Variants in NEK11 observed in about 807,000 individuals in gnomAD.
NEK11 encodes NIMA related kinase 11.
In NEK11, 72 loss-of-function variants were observed where a neutral mutation model predicts 80.7. That is an observed-to-expected ratio of 0.89 (90% CI 0.74 to 1.08). The LOEUF (loss-of-function observed/expected upper bound fraction) is 1.08, where lower values mean the gene tolerates loss of function less well. Among genes scored for constraint, NEK11 ranks in the 50% least tolerant of loss-of-function variants. NEK11 has a pLI of 0.00. For missense variants in NEK11, 764 were observed against 763.6 expected, an observed-to-expected ratio of 1.00 and a Z score of -0.01; for synonymous variants, 251 against 260.7, an observed-to-expected ratio of 0.96 and a Z score of 0.36.
intron 5 of NEK11, among the ~76,000 whole-genome samples, chr3:131,123,977 T>G (rs2082840195): frequency 6.6e-6 from 1 of 152,214 alleles, no homozygotes; most frequent in African/African-American, 2.4e-5. Flanking sequence ...CAGTATTCTC[T>G]GGGGTTCTAG....
At chr3:131,344,125 C>T (rs1465951462) in intron 17 of NEK11, among the ~76,000 whole-genome samples, 2 of 152,172 alleles carry the variant, frequency 1.3e-5, no homozygotes, top group African/African-American at 2.4e-5. Context: ...CATTTCTTTG[C>T]TCCAATATCT....
chr3:131,282,556 G>A (rs368800614), intron 17 of NEK11, among the ~76,000 whole-genome samples: 1 of 152,146 alleles, frequency 6.6e-6, no homozygotes, highest in Non-Finnish European at 1.5e-5. Flanking sequence ...GTATAGTGCT[G>A]CCGTGAGGGC....
chr3:131,239,814 TTTCA>T (rs139825448), intron 15 of NEK11, among the ~76,000 whole-genome samples: 81 of 151,960 alleles, frequency 5.3e-4, no homozygotes, highest in South Asian at 1.7e-3. Context: ...GCTAGGTAGC[TTTCA>T]TTCATTCATT....
Position 131,170,850 on chromosome 3 carries a change from A to G in NEK11, c.1362A>G (p.Ser454=), listed in dbSNP as rs2092639887. 6.2e-7 allele frequency: 1 copy of G among 1,613,810 alleles called. No homozygotes were observed. The highest frequency in any genetic ancestry group is 1.3e-5 in the African/African-American group (1 of 74,888). The change falls in exon 14 of 18, where the codon TCA becomes TCG. Residue 454 remains serine, a synonymous_variant. Transcript: ENST00000383366. ...CCATGGACCTCCACGAACTTGAATC[A>G]ATTGTAGAGGATGCCACATCTGACC... The part of the protein sequence containing the change: ...IPSMDLHELE[S]IVEDATSDLG...
chr3:131,222,526 A>G (rs1372677441), intron 14 of NEK11, among the ~76,000 whole-genome samples: 2 of 152,224 alleles, frequency 1.3e-5, no homozygotes, highest in Non-Finnish European at 2.9e-5. Flanking sequence ...GGAGATTTTA[A>G]GTAATTTAGA....
At chr3:131,297,974 A>G (rs1041830491) in intron 17 of NEK11, among the ~76,000 whole-genome samples, 2 of 151,588 alleles carry the variant, frequency 1.3e-5, no homozygotes, top group Admixed American at 1.3e-4. Flanking sequence ...AGATAGTTGT[A>G]GATATGCGGC....
intron 17 of NEK11, among the ~76,000 whole-genome samples, chr3:131,323,336 G>A (rs1445740463): frequency 2.0e-5 from 3 of 152,176 alleles, no homozygotes; most frequent in South Asian, 2.1e-4. Context: ...TCAAGAGCAG[G>A]TGTCAGCCTC....
chr3:131,162,050 ACT>A (rs1275057948), intron 10 of NEK11, among the ~76,000 whole-genome samples: 1 of 152,102 alleles, frequency 6.6e-6, no homozygotes, highest in African/African-American at 2.4e-5. Context: ...ACCCTGCCTA[ACT>A]CTAAAGATTA....
intron 3 of NEK11, among the ~76,000 whole-genome samples, chr3:131,036,350 A>G (rs908235300): frequency 1.3e-5 from 2 of 152,244 alleles, no homozygotes; most frequent in Admixed American, 1.3e-4. Flanking sequence ...GTGGAATCAC[A>G]ATATTTAGAA....
intron 14 of NEK11, among the ~76,000 whole-genome samples, chr3:131,191,031 ATTATTC>A (rs1012456677): frequency 3.3e-5 from 5 of 152,154 alleles, no homozygotes; most frequent in African/African-American, 1.2e-4. Context: ...TGTTATAATT[ATTATTC>A]TTATCCTTAC....
chr3:131,138,869 A>G (rs904592715), intron 7 of NEK11, among the ~76,000 whole-genome samples: 4 of 152,172 alleles, frequency 2.6e-5, no homozygotes, highest in African/African-American at 9.7e-5. Flanking sequence ...ACAACACCCA[A>G]GTATTTTCAA....
At chr3:131,206,469 AGCAAAAAGT>A (rs908014202) in intron 14 of NEK11, among the ~76,000 whole-genome samples, 3 of 152,256 alleles carry the variant, frequency 2.0e-5, no homozygotes, top group African/African-American at 7.2e-5. Flanking sequence ...CAAGTCACAG[AGCAAAAAGT>A]AAAACAGCTA....
At chr3:131,028,663 G>A (rs934436273) in intron 2 of NEK11, among the ~76,000 whole-genome samples, 2 of 152,018 alleles carry the variant, frequency 1.3e-5, no homozygotes, top group South Asian at 2.1e-4. Context: ...CTGGGTTCAC[G>A]CTATTCTCCT....
chr3:131,037,293 T>TC (rs1481091406), intron 3 of NEK11, among the ~76,000 whole-genome samples: 1 of 151,932 alleles, frequency 6.6e-6, no homozygotes, highest in Non-Finnish European at 1.5e-5. Flanking sequence ...CATCCATTTT[T>TC]TTTTTTTTTG....
At chr3:131,258,302 A>G (rs1335357831) in intron 16 of NEK11, among the ~76,000 whole-genome samples, 1 of 152,166 alleles carries the variant, frequency 6.6e-6, no homozygotes, top group Non-Finnish European at 1.5e-5. Flanking sequence ...CTGTTCCCCA[A>G]AAACTATTGA....
intron 5 of NEK11, among the ~76,000 whole-genome samples, chr3:131,117,522 G>A (rs957647316): frequency 6.6e-5 from 10 of 152,240 alleles, no homozygotes; most frequent in Admixed American, 1.3e-4. Context: ...AAAGTCATTG[G>A]TAGCTTGATG....
chr3:131,164,237 A>G (rs1560732393), intron 11 of NEK11, among the ~76,000 whole-genome samples: 1 of 152,180 alleles, frequency 6.6e-6, no homozygotes, highest in Non-Finnish European at 1.5e-5. Context: ...GGGACTGCTT[A>G]TTTGTTTGCT....
chr3:131,335,944 A>G (rs2097175510), intron 17 of NEK11, among the ~76,000 whole-genome samples: 1 of 152,176 alleles, frequency 6.6e-6, no homozygotes, highest in Admixed American at 6.5e-5. Flanking sequence ...GAGAACTACA[A>G]ACCACTGCTC....
chr3:131,038,332 T>G (rs2065955708), intron 3 of NEK11, among the ~76,000 whole-genome samples: 1 of 152,120 alleles, frequency 6.6e-6, no homozygotes, highest in Non-Finnish European at 1.5e-5. Flanking sequence ...GGAGATGGAA[T>G]GGATAAGGAG....
Sources: gnomAD v4.1 joint callset for allele counts (sites outside exome capture counted in the v4.1 genomes callset) on GRCh38, gnomAD v4.1.1 for gene constraint, MANE v1.5 for transcripts, NCBI Gene and HGNC (gene_info 2026-07-23, HGNC 2026-07-21) for gene names.